SIPA1L1: variants seen among roughly 807,000 people sequenced by gnomAD.
SIPA1L1 encodes the protein signal induced proliferation associated 1 like 1, also known as signal-induced proliferation-associated 1-like protein 1.
SIPA1L1 carries 26 observed loss-of-function variants against 162.7 expected under a neutral mutation model. That is an observed-to-expected ratio of 0.16 (90% CI 0.12 to 0.22). The LOEUF (loss-of-function observed/expected upper bound fraction) is 0.22. Ranked by LOEUF, SIPA1L1 falls within the 10% of genes least tolerant of loss-of-function variation. SIPA1L1 has a pLI of 1.00. For missense variants in SIPA1L1, 1,874 were observed against 2,241.0 expected, an observed-to-expected ratio of 0.84 and a Z score of 3.31; for synonymous variants, 829 against 837.4, an observed-to-expected ratio of 0.99 and a Z score of 0.17.
chr14:71,488,698 C>T (rs945107897), intron 2 of SIPA1L1, among the ~76,000 whole-genome samples: 7 of 152,162 alleles, frequency 4.6e-5, no homozygotes, highest in African/African-American at 1.7e-4. Context: ...CACTGAGACT[C>T]TTGGTCAGTG....
At chr14:71,663,961 C>T (rs1424856844) in intron 10 of SIPA1L1, among the ~76,000 whole-genome samples, 2 of 152,190 alleles carry the variant, frequency 1.3e-5, no homozygotes, top group Admixed American at 6.5e-5. Context: ...TGACCTATGC[C>T]TATTGCAAAC....
chr14:71,725,394 G>T (rs1237869493), intron 19 of SIPA1L1, among the ~76,000 whole-genome samples: 1 of 152,144 alleles, frequency 6.6e-6, no homozygotes, highest in South Asian at 2.1e-4. Context: ...AGCAATCTAA[G>T]TCTACCCACA....
chr14:71,701,400 T>A (rs1156773197), intron 14 of SIPA1L1, among the ~76,000 whole-genome samples: 1 of 151,634 alleles, frequency 6.6e-6, no homozygotes. Context: ...TTTTTTTTTT[T>A]GTGGAGCCTG....
chr14:71,475,706 T>C (rs2047793044), intron 2 of SIPA1L1, among the ~76,000 whole-genome samples: 1 of 152,242 alleles, frequency 6.6e-6, no homozygotes, highest in African/African-American at 2.4e-5. Context: ...GGTTATTTTA[T>C]GAATTGAATG....
At chr14:71,727,828 G>A (rs1428030743) in intron 19 of SIPA1L1, among the ~76,000 whole-genome samples, 1 of 152,194 alleles carries the variant, frequency 6.6e-6, no homozygotes, top group Non-Finnish European at 1.5e-5. Context: ...GGGGCAAGGG[G>A]CCATCTCAAC....
At chr14:71,673,607 G>A (rs947528666) in intron 12 of SIPA1L1, among the ~76,000 whole-genome samples, 8 of 152,150 alleles carry the variant, frequency 5.3e-5, no homozygotes, top group African/African-American at 1.9e-4. Context: ...GTGTGTGCGT[G>A]TGTGTGTTTT....
rs1314665725 is a variant in SIPA1L1, at chr14:71,740,341, T to C, written c.*1180T>C. ...AGGATTCCGCTGCAGAAATTATTGA[T>C]GTGCTATTTTTGCTGTCTTGTGATG... On this transcript the variant is annotated 3_prime_UTR_variant, in exon 24 of 24. Coordinates refer to ENST00000381232, the MANE Select transcript of SIPA1L1 (RefSeq NM_001386936.1). The C allele has an allele frequency of 2.0e-5, 3 of 152,234 alleles. No individual in the cohort carries two copies. Among genetic ancestry groups the C allele is most frequent in the African/African-American group, 7.2e-5 (3 of 41,464 alleles). The allele number at this position is 152,234 out of a possible 1,614,324, so 9.4% of individuals were successfully genotyped here.
At chr14:71,634,413 A>T (rs1483364972) in intron 7 of SIPA1L1, among the ~76,000 whole-genome samples, 1 of 151,776 alleles carries the variant, frequency 6.6e-6, no homozygotes, top group East Asian at 1.9e-4. Flanking sequence ...AAAAAAAAAA[A>T]AAAAACCCAC....
At chr14:71,475,472 CAGT>C (rs2047773832) in intron 2 of SIPA1L1, among the ~76,000 whole-genome samples, 1 of 152,134 alleles carries the variant, frequency 6.6e-6, no homozygotes, top group African/African-American at 2.4e-5. Context: ...TACCTTCAAA[CAGT>C]AGGATTTTTC....
intron 2 of SIPA1L1, among the ~76,000 whole-genome samples, chr14:71,470,476 A>T (rs145894635): frequency 1.4e-3 from 211 of 152,314 alleles, no homozygotes; most frequent in Non-Finnish European, 2.5e-3. Context: ...ATTTCTTACA[A>T]GCCCCCAGTG....
intron 2 of SIPA1L1, among the ~76,000 whole-genome samples, chr14:71,359,920 G>T (rs2037639936): frequency 6.6e-6 from 1 of 152,178 alleles, no homozygotes; most frequent in African/African-American, 2.4e-5. Flanking sequence ...ACATGTAGCT[G>T]ATTTTTAACA....
intron 3 of SIPA1L1, among the ~76,000 whole-genome samples, chr14:71,522,020 T>G (rs1012422986): frequency 1.3e-5 from 2 of 152,184 alleles, no homozygotes; most frequent in East Asian, 3.8e-4. Context: ...GTCATATAAT[T>G]TATTGTGTGT....
chr14:71,726,546 T>C (rs2084257615), intron 19 of SIPA1L1, among the ~76,000 whole-genome samples: 1 of 152,242 alleles, frequency 6.6e-6, no homozygotes, highest in Non-Finnish European at 1.5e-5. Flanking sequence ...AAATGTCTGA[T>C]TTTGTCCTTA....
At chr14:71,526,004 T>C (rs1402842088) in intron 3 of SIPA1L1, among the ~76,000 whole-genome samples, 1 of 152,148 alleles carries the variant, frequency 6.6e-6, no homozygotes, top group Non-Finnish European at 1.5e-5. Context: ...ACATGAAACT[T>C]GGAAGAGGAG....
chr14:71,458,757 A>T (rs1303561360), intron 2 of SIPA1L1, among the ~76,000 whole-genome samples: 1 of 152,014 alleles, frequency 6.6e-6, no homozygotes, highest in African/African-American at 2.4e-5. Flanking sequence ...TAACCATTTC[A>T]CTACCGGTGT....
intron 2 of SIPA1L1, among the ~76,000 whole-genome samples, chr14:71,506,481 C>T (rs898589246): frequency 2.6e-5 from 4 of 152,104 alleles, no homozygotes; most frequent in African/African-American, 9.7e-5. Flanking sequence ...GCTGGGATTA[C>T]AGGGGCGTGC....
At chr14:71,503,568 T>C (rs1273879522) in intron 2 of SIPA1L1, among the ~76,000 whole-genome samples, 1 of 152,202 alleles carries the variant, frequency 6.6e-6, no homozygotes, top group Non-Finnish European at 1.5e-5. Flanking sequence ...CCAAAGGTGC[T>C]TGACGCTGTA....
Position 71,513,579 on chromosome 14 carries a change from G to A in SIPA1L1, c.-362+734G>A, listed in dbSNP as rs958665890. 3.9e-5 allele frequency among the ~76,000 whole-genome samples: 6 copies of A among 152,024 alleles called. No individual in the cohort carries two copies. The East Asian group carries it at 5.8e-4, about 15-fold the overall frequency. Reference sequence around the variant, plus strand: ...CATAGCTCACTGTAACCTCAAATTCGTGGGCTTAAGGGATTCATTCTCCTA... The same window carrying A: ...CATAGCTCACTGTAACCTCAAATTCATGGGCTTAAGGGATTCATTCTCCTA... On this transcript the variant is annotated intron_variant, in intron 3 of 23. Coordinates refer to ENST00000381232, the MANE Select transcript of SIPA1L1 (RefSeq NM_001386936.1).
rs937059517 is a variant in SIPA1L1, at chr14:71,536,335, T to A, written c.-303+6965T>A. On this transcript the variant is annotated intron_variant, in intron 4 of 23. Coordinates refer to ENST00000381232, the MANE Select transcript of SIPA1L1 (RefSeq NM_001386936.1). ...CCAATGGGCTTCTTTTAAGTGTCTA[T>A]GCTTAACAGAAGCTTTCTCTATGAG... Among the ~76,000 whole-genome samples the A allele has an allele frequency of 7.2e-5, 11 of 152,338 alleles. No individual in the cohort carries two copies. In the Middle Eastern group the frequency reaches 0.014, roughly 188 times the overall value.
Sources: gnomAD v4.1 joint callset for allele counts (sites outside exome capture counted in the v4.1 genomes callset) on GRCh38, gnomAD v4.1.1 for gene constraint, MANE v1.5 for transcripts, NCBI Gene and HGNC (gene_info 2026-07-23, HGNC 2026-07-21) for gene names.